The following MCTP2 variants were observed in gnomAD, a reference collection of about 807,000 sequenced individuals.
The protein encoded by MCTP2 is multiple C2 and transmembrane domain containing 2, also known as multiple C2 and transmembrane domain-containing protein 2.
In MCTP2, 132 loss-of-function variants were observed where a neutral mutation model predicts 111.6. The ratio of observed to expected loss-of-function variants is 1.18; its 90% CI spans 1.03 to 1.37. The LOEUF is 1.37. Among genes scored for constraint, MCTP2 ranks in the 40% most tolerant of loss-of-function variants. The pLI, the probability that MCTP2 is intolerant of heterozygous loss-of-function variation, is 0.00. For missense variants in MCTP2, 1,183 were observed against 1,067.9 expected (o/e 1.11, Z -1.50); for synonymous variants, 395 against 387.7 (o/e 1.02, Z -0.22).
chr15:94,271,792 A>G (rs1183474542), intron 1 of MCTP2, among the ~76,000 whole-genome samples: 1 of 152,210 alleles, frequency 6.6e-6, no homozygotes, highest in African/African-American at 2.4e-5. Flanking sequence ...CATTTGTGAA[A>G]CATATTCTTT....
At chr15:94,400,138 T>C (rs1254527676) in intron 16 of MCTP2, 143 bp downstream of exon 16, 23 of 657,426 alleles carry the variant, frequency 3.5e-5, no homozygotes, top group Admixed American at 2.7e-5. Context: ...TCTCTCCACT[T>C]ATTTCTCCTT....
intron 12 of MCTP2, among the ~76,000 whole-genome samples, chr15:94,378,232 A>G (rs1438128511): frequency 6.6e-6 from 1 of 152,072 alleles, no homozygotes; most frequent in Non-Finnish European, 1.5e-5. Context: ...GAAGAAGAAA[A>G]TATTTAGGGC....
At chr15:94,265,488 C>T (rs1201308061) in intron 1 of MCTP2, among the ~76,000 whole-genome samples, 1 of 152,108 alleles carries the variant, frequency 6.6e-6, no homozygotes, top group Admixed American at 6.5e-5. Flanking sequence ...TATGCACTTA[C>T]TTACTTGTAG....
intron 1 of MCTP2, among the ~76,000 whole-genome samples, chr15:94,272,643 A>G (rs181531094): frequency 5.2e-4 from 79 of 152,214 alleles, no homozygotes; most frequent in Non-Finnish European, 1.0e-3. Context: ...TCCAAACAGC[A>G]CTTGAGACTG....
intron 17 of MCTP2, among the ~76,000 whole-genome samples, chr15:94,426,199 T>A (rs1026035990): frequency 2.6e-5 from 4 of 151,724 alleles, no homozygotes; most frequent in African/African-American, 9.7e-5. Flanking sequence ...TCTCTAGTCA[T>A]CCTATTTGGC....
intron 21 of MCTP2, among the ~76,000 whole-genome samples, chr15:94,474,175 T>C (rs1301780862): frequency 2.0e-5 from 3 of 152,234 alleles, no homozygotes; most frequent in African/African-American, 7.2e-5. Flanking sequence ...TAAAAAAATC[T>C]AAGGTATGTT....
chr15:94,331,924 T>C (rs1471445661), intron 4 of MCTP2, among the ~76,000 whole-genome samples: 1 of 152,150 alleles, frequency 6.6e-6, no homozygotes, highest in Non-Finnish European at 1.5e-5. Flanking sequence ...TGTTCTGTGG[T>C]TGGTATCAAA....
chr15:94,392,698 C>T (rs1217657521), intron 14 of MCTP2, among the ~76,000 whole-genome samples: 2 of 151,942 alleles, frequency 1.3e-5, no homozygotes, highest in African/African-American at 4.8e-5. Context: ...CGCCTGTAAT[C>T]CCAGCTACTC....
intron 17 of MCTP2, among the ~76,000 whole-genome samples, chr15:94,439,165 G>T (rs192118081): frequency 1.3e-5 from 2 of 151,834 alleles, no homozygotes; most frequent in East Asian, 3.9e-4. Flanking sequence ...ATTTACAATG[G>T]GCACCAAAAA....
At chr15:94,246,295 G>A (rs985570441) in intron 1 of MCTP2, among the ~76,000 whole-genome samples, 1 of 152,188 alleles carries the variant, frequency 6.6e-6, no homozygotes, top group African/African-American at 2.4e-5. Flanking sequence ...CTACTATGTA[G>A]TAATTGTGTG....
At chr15:94,245,154 TTGTA>T (rs1486367624) in intron 1 of MCTP2, among the ~76,000 whole-genome samples, 4 of 148,104 alleles carry the variant, frequency 2.7e-5, no homozygotes, top group Non-Finnish European at 6.0e-5. Flanking sequence ...ACACACATGT[TTGTA>T]TATTTATACA....
chr15:94,436,260 G>T (rs2083471296), intron 17 of MCTP2, among the ~76,000 whole-genome samples: 1 of 152,120 alleles, frequency 6.6e-6, no homozygotes, highest in Non-Finnish European at 1.5e-5. Flanking sequence ...GCTGCTCTTG[G>T]ATCAAAGATA....
At chr15:94,463,280 CATT>C (rs527500793) in intron 20 of MCTP2, among the ~76,000 whole-genome samples, 120 of 152,148 alleles carry the variant, frequency 7.9e-4, no homozygotes, top group Middle Eastern at 3.5e-3. Flanking sequence ...TAATTTATCT[CATT>C]ATTATTTTAG....
intron 21 of MCTP2, among the ~76,000 whole-genome samples, chr15:94,472,366 G>A (rs1358019104): frequency 6.6e-6 from 1 of 152,160 alleles, no homozygotes; most frequent in African/African-American, 2.4e-5. Flanking sequence ...AACAGAACAA[G>A]ACTCCGTCTC....
chr15:94,351,761 G>A (rs2078315485), intron 8 of MCTP2, among the ~76,000 whole-genome samples: 2 of 152,194 alleles, frequency 1.3e-5, no homozygotes, highest in South Asian at 4.1e-4. Flanking sequence ...GTATTTTGGA[G>A]AATTATCCCG....
chr15:94,390,126 A>ATATG (rs1555464942), intron 14 of MCTP2, among the ~76,000 whole-genome samples: 4 of 59,928 alleles, frequency 6.7e-5, no homozygotes, highest in Non-Finnish European at 1.9e-4. Context: ...ATATATATAT[A>ATATG]TATATACTTA....
intron 12 of MCTP2, among the ~76,000 whole-genome samples, chr15:94,373,039 GGTTATAGTTACC>G (rs1235909786): frequency 2.0e-5 from 3 of 152,198 alleles, no homozygotes; most frequent in Non-Finnish European, 2.9e-5. Context: ...TCCATACGGA[GGTTATAGTTACC>G]GTTTTGGGGG....
intron 21 of MCTP2, among the ~76,000 whole-genome samples, chr15:94,472,132 C>T (rs1402508014): frequency 6.6e-6 from 1 of 152,208 alleles, no homozygotes; most frequent in Admixed American, 6.5e-5. Context: ...AATCCCAGCA[C>T]TTTGGGAGGC....
intron 1 of MCTP2, among the ~76,000 whole-genome samples, chr15:94,244,659 CACAT>C (rs1321888354): frequency 6.8e-6 from 1 of 147,312 alleles, no homozygotes; most frequent in African/African-American, 2.6e-5. Flanking sequence ...TATATGTATA[CACAT>C]ACATATCCAC....
Sources: allele counts gnomAD v4.1 joint callset (sites outside exome capture counted in the v4.1 genomes callset), GRCh38; gene constraint gnomAD v4.1.1; transcripts MANE v1.5; gene names NCBI Gene and HGNC (gene_info 2026-07-23, HGNC 2026-07-21).